ZNF782: variants seen among roughly 807,000 people sequenced by gnomAD.
ZNF782 encodes zinc finger protein 782.
A neutral mutation model predicts 13.0 loss-of-function variants in ZNF782; 12 were observed. That is an observed-to-expected ratio of 0.92 (90% CI 0.59 to 1.50). The LOEUF is 1.50. Among genes scored for constraint, ZNF782 ranks in the 40% most tolerant of loss-of-function variants. The pLI, the probability that ZNF782 is intolerant of heterozygous loss-of-function variation, is 0.00. For synonymous variants in ZNF782, 284 were observed against 283.0 expected (o/e 1.00, Z -0.04); for missense variants, 770 against 822.9 (o/e 0.94, Z 0.79).
chr9:96,901,290 G>A, the ZNF782 span, among the ~76,000 whole-genome samples: 2 of 39,410 alleles, frequency 5.1e-5, no homozygotes, highest in Non-Finnish European at 9.9e-5. Flanking sequence ...TTTTTTTTTT[G>A]AGACAGAGAC....
At chr9:96,875,442 G>T in intron 1 of ZNF782, 1 of 456,486 alleles carries the variant, frequency 2.2e-6, no homozygotes. Flanking sequence ...CCTCTTACCC[G>T]GTTCCCGCCC....
At chr9:96,842,860 C>G (rs1440524101) in intron 4 of ZNF782, among the ~76,000 whole-genome samples, 2 of 152,024 alleles carry the variant, frequency 1.3e-5, no homozygotes, top group Non-Finnish European at 2.9e-5. Flanking sequence ...GTAAAACACA[C>G]AAACTTCCAA....
rs1850244348 is a variant in ZNF782, at chr9:96,818,238, A to C, written c.1785T>G (p.Cys595Trp). Residue 595 changes from cysteine (C) to tryptophan (W), a missense_variant, in exon 6 of 6, where the codon TGT (cysteine) becomes TGG (tryptophan). Physicochemically the swap from Cys to Trp is radical, Grantham distance 215. Transcript: ENST00000481138. ...TTGATTTCTGCCTGAATGTTTTTCCACACTCCTCACATTGATAGGGTTTCT... is the reference window on the plus strand; with the variant it reads ...TTGATTTCTGCCTGAATGTTTTTCCCCACTCCTCACATTGATAGGGTTTCT... ...TGEKPYQCEE[C>W]GKTFRQKSNL... 1 of 1,613,432 alleles carries C rather than the reference A, an allele frequency of 6.2e-7. No individual in the cohort carries two copies. Among genetic ancestry groups the C allele is most frequent in the Non-Finnish European group, 8.5e-7 (1 of 1,179,884 alleles).
intron 5 of ZNF782, among the ~76,000 whole-genome samples, chr9:96,823,006 G>T (rs980444900): frequency 6.6e-6 from 1 of 152,090 alleles, no homozygotes; most frequent in African/African-American, 2.4e-5. Context: ...TTTAAAAAGG[G>T]TTCATTCTGT....
chr9:96,833,419 T>C (rs980263113), intron 4 of ZNF782, among the ~76,000 whole-genome samples: 20 of 152,196 alleles, frequency 1.3e-4, no homozygotes, highest in Non-Finnish European at 2.9e-4. Context: ...TTTGTGGTAT[T>C]TTGGGTCACC....
the ZNF782 span, chr9:96,892,321 C>G: frequency 6.6e-6 from 1 of 152,188 alleles, no homozygotes; most frequent in Non-Finnish European, 1.5e-5. Flanking sequence ...GTGGCATATG[C>G]ACACAATGGA....
chr9:96,881,002 T>G, the ZNF782 span, among the ~76,000 whole-genome samples: 1 of 152,102 alleles, frequency 6.6e-6, no homozygotes, highest in South Asian at 2.1e-4. Flanking sequence ...TTGGTGAGTC[T>G]TCTTCGTGTT....
Position 96,816,770 on chromosome 9 carries a change from C to A in ZNF782, c.*1153G>T, listed in dbSNP as rs989126909. 6.6e-6 allele frequency: 1 copy of A among 151,968 alleles called. No individual in the cohort carries two copies. The highest frequency in any genetic ancestry group is 2.4e-5 in the African/African-American group (1 of 41,370). The allele number at this position is 151,968 out of a possible 1,614,324, so 9.4% of individuals were successfully genotyped here. On this transcript the variant is annotated 3_prime_UTR_variant, in exon 6 of 6. Transcript: ENST00000481138. ...GTGTGTCTGTGTGTGTGAAGAATTTCCTATATTTGTTAAAATGTCAGATTT... is the reference window on the plus strand; with the variant it reads ...GTGTGTCTGTGTGTGTGAAGAATTTACTATATTTGTTAAAATGTCAGATTT...
chr9:96,893,825 C>A, the ZNF782 span: 1 of 144,198 alleles, frequency 6.9e-6, no homozygotes, highest in East Asian at 1.9e-4. Context: ...ACGGTGAAAC[C>A]CCTTCTCTAC....
chr9:96,886,389 G>A, the ZNF782 span, among the ~76,000 whole-genome samples: 3 of 152,134 alleles, frequency 2.0e-5, no homozygotes, highest in South Asian at 6.2e-4. Flanking sequence ...TTTCTTAAAT[G>A]ATAATTGAGT....
intron 4 of ZNF782, among the ~76,000 whole-genome samples, chr9:96,834,611 G>A (rs556217002): frequency 6.6e-6 from 1 of 152,314 alleles, no homozygotes; most frequent in East Asian, 1.9e-4. Flanking sequence ...TCTGCCATGA[G>A]TTGAAGCAGC....
chr9:96,924,912 C>T, the ZNF782 span, among the ~76,000 whole-genome samples: 2 of 152,372 alleles, frequency 1.3e-5, no homozygotes, highest in Admixed American at 6.5e-5. Flanking sequence ...CTAAGGACCG[C>T]TCCCGCCTTG....
At chr9:96,931,890 C>A in the ZNF782 span, 1 of 1,612,412 alleles carries the variant, frequency 6.2e-7, no homozygotes, top group African/African-American at 1.3e-5. Context: ...TTCCCCAGCA[C>A]CCCTCTAGTG....
Position 96,817,757 on chromosome 9 carries a change from G to T in ZNF782, c.*166C>A, listed in dbSNP as rs1588143263. ...GCTGAAAGAATGCCCATATAAAATAGATTTCAACAATTTATCTTCTATTCT... is the reference window on the plus strand; with the variant it reads ...GCTGAAAGAATGCCCATATAAAATATATTTCAACAATTTATCTTCTATTCT... On this transcript the variant is annotated 3_prime_UTR_variant, in exon 6 of 6. Coordinates refer to ENST00000481138, the MANE Select transcript of ZNF782 (RefSeq NM_001001662.3). The T allele has an allele frequency of 1.7e-6, 1 of 602,460 alleles. No homozygotes were observed. Among genetic ancestry groups the T allele is most frequent in the East Asian group, 3.0e-5 (1 of 33,100 alleles). The allele number at this position is 602,460 out of a possible 1,614,324, so 37.3% of individuals were successfully genotyped here. A position where few individuals can be genotyped will look rare whatever the true frequency, so the allele number is the denominator to read the frequency against.
chr9:96,913,711 G>A, the ZNF782 span, among the ~76,000 whole-genome samples: 364 of 151,972 alleles, frequency 2.4e-3, 6 homozygotes, highest in African/African-American at 8.3e-3. Flanking sequence ...TTTTAGTAGA[G>A]ACAGAGTTTC....
At chr9:96,851,809 C>T (rs972176994) in intron 3 of ZNF782, 138 bp downstream of exon 3, 1 of 868,420 alleles carries the variant, frequency 1.2e-6, no homozygotes, top group Non-Finnish European at 1.8e-6. Context: ...AAGCTGACAG[C>T]AGAGTTCATG....
chr9:96,845,108 A>G, intron 3 of ZNF782, 92 bp from the exon 4 acceptor site: 2 of 1,497,384 alleles, frequency 1.3e-6, no homozygotes, highest in Non-Finnish European at 1.8e-6. Flanking sequence ...TACTGTTGAG[A>G]ATTTAAAACA....
At chr9:96,823,567 G>A (rs1047746518) in intron 5 of ZNF782, among the ~76,000 whole-genome samples, 1 of 152,124 alleles carries the variant, frequency 6.6e-6, no homozygotes, top group African/African-American at 2.4e-5. Context: ...TAACTTTAGT[G>A]TTATTGAGTT....
At chr9:96,835,735 G>C (rs1295273559) in intron 4 of ZNF782, among the ~76,000 whole-genome samples, 2 of 152,204 alleles carry the variant, frequency 1.3e-5, no homozygotes, top group African/African-American at 4.8e-5. Context: ...GAGCCATGGA[G>C]GTGTGTGTTA....
Sources: gnomAD v4.1 joint callset for allele counts (sites outside exome capture counted in the v4.1 genomes callset) on GRCh38, gnomAD v4.1.1 for gene constraint, MANE v1.5 for transcripts, NCBI Gene and HGNC (gene_info 2026-07-23, HGNC 2026-07-21) for gene names.